The following EPHA5 variants were observed in gnomAD, a reference collection of about 807,000 sequenced individuals.
EPHA5 encodes EPH receptor A5.
In EPHA5, 60 loss-of-function variants were observed where a neutral mutation model predicts 105.0. That is an observed-to-expected ratio of 0.57 (90% CI 0.46 to 0.71). The LOEUF (loss-of-function observed/expected upper bound fraction) is 0.71. Among genes scored for constraint, EPHA5 ranks in the 30% least tolerant of loss-of-function variants. The pLI is 0.00. For missense variants in EPHA5, 1,218 were observed against 1,274.7 expected (o/e 0.96, Z 0.68); for synonymous variants, 513 against 449.1 (o/e 1.14, Z -1.80).
chr4:65,361,163 T>A (rs2148878925), intron 11 of EPHA5, among the ~76,000 whole-genome samples: 1 of 151,768 alleles, frequency 6.6e-6, no homozygotes, highest in South Asian at 2.1e-4. Context: ...GAAGTTTTCC[T>A]TTACTCAGCT....
chr4:65,500,465 C>A lies in EPHA5; in HGVS notation c.911-4922G>T, dbSNP rs1276021159. Among the ~76,000 whole-genome samples the A allele has an allele frequency of 3.3e-5, 5 of 150,562 alleles. No homozygotes were observed. The East Asian group carries it at 7.9e-4, about 24-fold the overall frequency. The stretch of plus-strand genomic sequence containing the variant: ...TTGTTTCCCCACTTATCCTTTAAAC[C>A]TTTGAGCCATATATTTAGCACCTAT... On this transcript the variant is annotated intron_variant, in intron 3 of 16. Transcript: ENST00000613740.
At chr4:65,383,013 G>T (rs1317473146) in intron 8 of EPHA5, among the ~76,000 whole-genome samples, 1 of 148,900 alleles carries the variant, frequency 6.7e-6, no homozygotes, top group Non-Finnish European at 1.5e-5. Context: ...TATAGAGAGA[G>T]ATTATATATA....
At chr4:65,436,141 T>C (rs1725458810) in intron 5 of EPHA5, among the ~76,000 whole-genome samples, 2 of 152,018 alleles carry the variant, frequency 1.3e-5, no homozygotes, top group South Asian at 2.1e-4. Flanking sequence ...ATTTGACTTA[T>C]ATTTGTAGGA....
intron 6 of EPHA5, among the ~76,000 whole-genome samples, chr4:65,418,419 T>C (rs1254031772): frequency 6.6e-6 from 1 of 152,224 alleles, no homozygotes; most frequent in Non-Finnish European, 1.5e-5. Context: ...TTAATGTCAC[T>C]ATATTCCACT....
chr4:65,509,569 G>A (rs531314416), intron 3 of EPHA5, among the ~76,000 whole-genome samples: 21 of 152,146 alleles, frequency 1.4e-4, no homozygotes, highest in Non-Finnish European at 2.1e-4. Context: ...TAAACTTTAC[G>A]GTTATATCTT....
At chr4:65,405,570 G>A (rs1038144296) in intron 7 of EPHA5, among the ~76,000 whole-genome samples, 12 of 152,082 alleles carry the variant, frequency 7.9e-5, no homozygotes, top group African/African-American at 2.9e-4. Context: ...GTGATTTGCT[G>A]AGGACCCTCT....
intron 4 of EPHA5, 70 bp downstream of exon 4, chr4:65,495,295 GGGAAATGTTACTAGACTATAACA>G: frequency 7.7e-7 from 1 of 1,300,062 alleles, no homozygotes; most frequent in Middle Eastern, 1.9e-4. Context: ...CTGTTTTAGG[GGGAAATGTTACTAGACTATAACA>G]GGCTCCATCA....
At chr4:65,445,067 A>C (rs1209807683) in intron 5 of EPHA5, among the ~76,000 whole-genome samples, 3 of 152,094 alleles carry the variant, frequency 2.0e-5, no homozygotes, top group African/African-American at 7.2e-5. Context: ...AAAATAAATA[A>C]AATACTTCTT....
intron 5 of EPHA5, among the ~76,000 whole-genome samples, chr4:65,460,402 C>G (rs1316911358): frequency 1.3e-5 from 2 of 150,730 alleles, no homozygotes; most frequent in Non-Finnish European, 3.0e-5. Flanking sequence ...TTCCTTATGT[C>G]TCAGATTTTT....
intron 3 of EPHA5, among the ~76,000 whole-genome samples, chr4:65,561,731 A>G (rs1386921329): frequency 2.0e-5 from 3 of 152,116 alleles, no homozygotes; most frequent in Non-Finnish European, 4.4e-5. Context: ...CCAAATACAT[A>G]TATTGATCTG....
intron 16 of EPHA5, among the ~76,000 whole-genome samples, chr4:65,328,358 A>G (rs894251650): frequency 7.9e-5 from 12 of 151,304 alleles, no homozygotes; most frequent in African/African-American, 2.7e-4. Context: ...AAACACTGAT[A>G]TTAATGATGC....
intron 3 of EPHA5, among the ~76,000 whole-genome samples, chr4:65,532,551 T>A (rs1735901895): frequency 6.6e-6 from 1 of 151,672 alleles, no homozygotes. Context: ...TTATTTTTCC[T>A]GTTTCCTGGG....
chr4:65,420,488 G>A lies in EPHA5; in HGVS notation c.1480C>T (p.Arg494Cys), dbSNP rs138678484. ...SISLSWQEPD[R>C]PNGIILEYEI... ...TACTCTAGGATGATTCCATTGGGAC[G>A]ATCTGGTTCTTGCCAAGACAAAGAG... Residue 494 changes from arginine to cysteine, a missense_variant, in exon 6 of 17, where the codon CGT becomes TGT. Around this residue, in one of 3 missense-constraint regions of EPHA5, gnomAD observed 971 missense variants for 1,013.5 expected, o/e 0.96. Transcript: ENST00000613740. The A allele has an allele frequency of 2.9e-4, 464 of 1,612,434 alleles. No homozygotes were observed. Among genetic ancestry groups the A allele is most frequent in the Admixed American group, 3.7e-4 (22 of 59,870 alleles).
chr4:65,525,115 A>G (rs1005609178), intron 3 of EPHA5, among the ~76,000 whole-genome samples: 2 of 151,730 alleles, frequency 1.3e-5, no homozygotes, highest in Admixed American at 6.6e-5. Flanking sequence ...GTAATAACAG[A>G]TATATTAAAA....
At chr4:65,608,017 T>G (rs373217168) in intron 2 of EPHA5, among the ~76,000 whole-genome samples, 55 of 152,154 alleles carry the variant, frequency 3.6e-4, no homozygotes, top group African/African-American at 1.3e-3. Context: ...AAACGATGAG[T>G]TCATGTCCTT....
intron 3 of EPHA5, among the ~76,000 whole-genome samples, chr4:65,588,131 A>T (rs1055864141): frequency 6.6e-6 from 1 of 152,172 alleles, no homozygotes; most frequent in Admixed American, 6.6e-5. Flanking sequence ...CCCCTGAAAC[A>T]GTGGCTTGCA....
intron 5 of EPHA5, among the ~76,000 whole-genome samples, chr4:65,428,795 A>G (rs888265316): frequency 1.3e-5 from 2 of 152,044 alleles, no homozygotes; most frequent in African/African-American, 4.8e-5. Context: ...TTCATAGTTG[A>G]AATCATACAC....
chr4:65,571,686 A>T (rs188749961), intron 3 of EPHA5, among the ~76,000 whole-genome samples: 4 of 151,988 alleles, frequency 2.6e-5, no homozygotes, highest in Non-Finnish European at 4.4e-5. Flanking sequence ...GGTCTTACGT[A>T]TGTTTTACTT....
At chr4:65,655,555 CT>C (rs540528716) in intron 1 of EPHA5, among the ~76,000 whole-genome samples, 16 of 152,220 alleles carry the variant, frequency 1.1e-4, no homozygotes, top group African/African-American at 2.6e-4. Context: ...AACTCTCAAT[CT>C]TTATATTGAT....
Sources: gnomAD v4.1 joint callset for allele counts (sites outside exome capture counted in the v4.1 genomes callset) on GRCh38, gnomAD v4.1.1 for gene constraint, gnomAD v4.1.1 regional missense constraint, MANE v1.5 for transcripts, NCBI Gene and HGNC (gene_info 2026-07-23, HGNC 2026-07-21) for gene names.